The following GPD2 variants were observed in gnomAD, a reference collection of about 807,000 sequenced individuals.
GPD2 encodes glycerol-3-phosphate dehydrogenase 2.
In GPD2, 54 loss-of-function variants were observed where a neutral mutation model predicts 82.4. That is an observed-to-expected ratio of 0.66 (90% CI 0.53 to 0.82). The LOEUF (loss-of-function observed/expected upper bound fraction) is 0.82, where lower values mean the gene tolerates loss of function less well. Ranked by LOEUF, GPD2 falls within the 40% of genes least tolerant of loss-of-function variation. GPD2 has a pLI of 0.00. For synonymous variants in GPD2, 288 were observed against 306.1 expected (o/e 0.94, Z 0.62); for missense variants, 748 against 896.2 (o/e 0.83, Z 2.11).
In GPD2 at chr2:156,584,253, T is replaced by A. The variant is rs1688135717; in HGVS notation, c.*1335T>A. 6.6e-6 allele frequency: 1 copy of A among 152,074 alleles called. No homozygotes were observed. The highest frequency in any genetic ancestry group is 6.6e-5 in the Admixed American group (1 of 15,224). The allele number at this position is 152,074 out of a possible 1,614,324, so 9.4% of individuals were successfully genotyped here. ...AATATTTATTAATCGTACTTCCTCT[T>A]GTAAAGTTAACTACTTACTTTTTTG... On this transcript the variant is annotated 3_prime_UTR_variant, in exon 17 of 17. Transcript: ENST00000438166.
At chr2:156,416,532 T>C in the GPD2 span, among the ~76,000 whole-genome samples, 12 of 120,014 alleles carry the variant, frequency 1.0e-4, no homozygotes, top group South Asian at 2.7e-4. Context: ...TTTTTTTTTT[T>C]CTTTTTTTTT....
intron 9 of GPD2, among the ~76,000 whole-genome samples, chr2:156,557,938 A>T (rs893895818): frequency 6.6e-6 from 1 of 152,240 alleles, no homozygotes; most frequent in Non-Finnish European, 1.5e-5. Flanking sequence ...GATGCAGGAT[A>T]TCAATAGGAA....
At chr2:156,422,203 A>G in the GPD2 span, among the ~76,000 whole-genome samples, 1 of 152,214 alleles carries the variant, frequency 6.6e-6, no homozygotes, top group Non-Finnish European at 1.5e-5. Flanking sequence ...TTGTCTTTTT[A>G]TAGTTCATAA....
rs544508815 is a variant in GPD2 at position 156,498,236 on chromosome 2, A to G, written c.274+2021A>G. 2.0e-5 allele frequency among the ~76,000 whole-genome samples: 3 copies of G among 152,332 alleles called. No homozygotes were observed. The South Asian group carries it at 6.2e-4, about 32-fold the overall frequency. On this transcript the variant is annotated intron_variant, in intron 3 of 16. Transcript: ENST00000438166. ...ATATGCAAGGTGCTACAATGAGCAT[A>G]CAAAGATGATAGAGTTGGTACCGTT...
chr2:156,533,235 T>C (rs769282923), intron 6 of GPD2, among the ~76,000 whole-genome samples: 75 of 152,238 alleles, frequency 4.9e-4, no homozygotes, highest in Non-Finnish European at 7.8e-4. Context: ...CTTAGCTAGA[T>C]TGTGGTGGTT....
chr2:156,497,430 G>A (rs1359352979), intron 3 of GPD2, among the ~76,000 whole-genome samples: 2 of 152,134 alleles, frequency 1.3e-5, no homozygotes, highest in African/African-American at 4.8e-5. Context: ...CTCGAATTGG[G>A]TAGGATACTG....
chr2:156,552,894 CTTTTTTT>C (rs771404828), intron 8 of GPD2, among the ~76,000 whole-genome samples: 48 of 107,366 alleles, frequency 4.5e-4, no homozygotes, highest in African/African-American at 1.8e-3. Flanking sequence ...TTCCTTATAT[CTTTTTTT>C]TTTTTTTTTT....
At chr2:156,549,927 C>T (rs1008441330) in intron 7 of GPD2, among the ~76,000 whole-genome samples, 155 bp downstream of exon 7, 17 of 152,184 alleles carry the variant, frequency 1.1e-4, no homozygotes, top group African/African-American at 2.7e-4. Context: ...ACTGGTTTAA[C>T]GTGAAAATTT....
intron 3 of GPD2, among the ~76,000 whole-genome samples, chr2:156,500,480 C>CA (rs950464810): frequency 2.6e-5 from 4 of 152,144 alleles, no homozygotes; most frequent in Non-Finnish European, 5.9e-5. Flanking sequence ...CACTTAACAA[C>CA]AAATTTTGCT....
intron 2 of GPD2, among the ~76,000 whole-genome samples, chr2:156,484,349 C>T (rs1275803049): frequency 3.3e-5 from 5 of 151,974 alleles, no homozygotes; most frequent in African/African-American, 1.2e-4. Flanking sequence ...GTTGGCCAGG[C>T]TGGTCTTGAA....
At chr2:156,554,938 A>G (rs1241489755) in intron 8 of GPD2, among the ~76,000 whole-genome samples, 2 of 152,230 alleles carry the variant, frequency 1.3e-5, no homozygotes, top group African/African-American at 4.8e-5. Context: ...TCCTAGACAC[A>G]CACATAAATT....
chr2:156,551,391 T>C (rs1181182202), intron 8 of GPD2, among the ~76,000 whole-genome samples: 1 of 152,132 alleles, frequency 6.6e-6, no homozygotes, highest in African/African-American at 2.4e-5. Flanking sequence ...AAATTTTTAA[T>C]AAATTACAAA....
intron 1 of GPD2, among the ~76,000 whole-genome samples, chr2:156,466,436 G>A (rs1422157908): frequency 6.6e-6 from 1 of 152,114 alleles, no homozygotes; most frequent in African/African-American, 2.4e-5. Flanking sequence ...ATTCTATAGT[G>A]AACCTCATGA....
intron 3 of GPD2, among the ~76,000 whole-genome samples, chr2:156,506,754 C>T (rs1436582545): frequency 1.3e-5 from 2 of 152,108 alleles, no homozygotes; most frequent in Non-Finnish European, 2.9e-5. Flanking sequence ...CCTACCTCTA[C>T]CCCTCATTCC....
intron 16 of GPD2, 109 bp downstream of exon 16, chr2:156,579,897 A>G: frequency 1.4e-6 from 1 of 719,682 alleles, no homozygotes; most frequent in South Asian, 1.5e-5. Flanking sequence ...TTGTCAGATT[A>G]TTCTGAAGAA....
At chr2:156,416,003 A>G in the GPD2 span, among the ~76,000 whole-genome samples, 141 of 98,012 alleles carry the variant, frequency 1.4e-3, 4 homozygotes, top group African/African-American at 4.0e-3. Context: ...CCTGGGCGAC[A>G]GAGCGAGACT....
At chr2:156,461,987 C>T (rs1224359781) in intron 1 of GPD2, among the ~76,000 whole-genome samples, 1 of 152,202 alleles carries the variant, frequency 6.6e-6, no homozygotes, top group Admixed American at 6.5e-5. Flanking sequence ...TAAGAAATTA[C>T]AATTTTAATC....
chr2:156,564,862 GTAAAT>G (rs1437005435), intron 9 of GPD2, among the ~76,000 whole-genome samples: 1 of 152,058 alleles, frequency 6.6e-6, no homozygotes, highest in African/African-American at 2.4e-5. Context: ...GTCAAGCAAA[GTAAAT>G]TAAAGTTCTT....
In GPD2 at chr2:156,579,882, C is replaced by T. The variant is rs1687967555; in HGVS notation, c.2058+94C>T. The T allele has an allele frequency of 1.2e-5, 9 of 733,792 alleles. No homozygotes were observed. In the Admixed American group the frequency reaches 1.6e-4, roughly 13 times the overall value. 45.5% of individuals were successfully genotyped at this position (733,792 alleles called of 1,614,324 possible). On this transcript the variant is annotated intron_variant, in intron 16 of 16. Coordinates refer to ENST00000438166, the MANE Select transcript of GPD2 (RefSeq NM_000408.5). ...GTTCAAGAATGGATATTTAAGTCCA[C>T]ACAATTGTCAGATTATTCTGAAGAA...
Sources: allele counts gnomAD v4.1 joint callset (sites outside exome capture counted in the v4.1 genomes callset), GRCh38; gene constraint gnomAD v4.1.1; transcripts MANE v1.5; gene names NCBI Gene and HGNC (gene_info 2026-07-23, HGNC 2026-07-21).